Variants in GNG12 observed in about 807,000 individuals in gnomAD.
GNG12 encodes the protein G protein subunit gamma 12.
For synonymous variants in GNG12, 28 were observed against 29.7 expected (o/e 0.94, Z 0.19); for missense variants, 69 against 83.8 (o/e 0.82, Z 0.69).
At chr1:67,786,396 C>T (rs528363829) in intron 1 of GNG12, among the ~76,000 whole-genome samples, 1 of 152,072 alleles carries the variant, frequency 6.6e-6, no homozygotes, top group Admixed American at 6.6e-5. Context: ...ACGGTGGTCC[C>T]CAGATAGAGA....
chr1:67,762,192 G>A (rs1449188685), intron 2 of GNG12, among the ~76,000 whole-genome samples: 1 of 152,122 alleles, frequency 6.6e-6, no homozygotes. Context: ...CCAACCCAAG[G>A]CTGTCCACAG....
At chr1:67,767,203 C>T (rs995703812) in intron 2 of GNG12, among the ~76,000 whole-genome samples, 1 of 152,162 alleles carries the variant, frequency 6.6e-6, no homozygotes, top group African/African-American at 2.4e-5. Context: ...CAGCCTGCCA[C>T]CACTGGACTC....
intron 2 of GNG12, among the ~76,000 whole-genome samples, chr1:67,726,419 T>C (rs988553811): frequency 3.3e-5 from 5 of 152,202 alleles, no homozygotes; most frequent in African/African-American, 9.6e-5. Context: ...TTTTTCATAA[T>C]TCAGGAAACA....
intron 2 of GNG12, among the ~76,000 whole-genome samples, chr1:67,742,829 CAT>C (rs2100714930): frequency 6.6e-6 from 1 of 152,110 alleles, no homozygotes. Context: ...AGAAATAGCT[CAT>C]GTTTATTTGA....
chr1:67,808,439 C>A (rs1024728812), intron 1 of GNG12, among the ~76,000 whole-genome samples: 1 of 151,972 alleles, frequency 6.6e-6, no homozygotes, highest in Non-Finnish European at 1.5e-5. Flanking sequence ...CTTTTTGCTG[C>A]AATTCCCAGG....
intron 1 of GNG12, chr1:67,832,283 A>C (rs1273914050): frequency 2.0e-5 from 3 of 152,176 alleles, no homozygotes; most frequent in Non-Finnish European, 4.4e-5. Flanking sequence ...TCTGGTGTTC[A>C]GAGATTTCCT....
intron 2 of GNG12, among the ~76,000 whole-genome samples, chr1:67,768,128 C>G (rs1646652400): frequency 6.6e-6 from 1 of 152,178 alleles, no homozygotes; most frequent in South Asian, 2.1e-4. Context: ...ATAACAGCCA[C>G]CATTATTTGC....
intron 1 of GNG12, among the ~76,000 whole-genome samples, chr1:67,778,694 C>A (rs950182719): frequency 6.6e-6 from 1 of 152,172 alleles, no homozygotes; most frequent in African/African-American, 2.4e-5. Context: ...ATTATTTACA[C>A]AAGACTGTGA....
intron 1 of GNG12, among the ~76,000 whole-genome samples, chr1:67,822,481 G>A (rs528114453): frequency 3.0e-4 from 46 of 152,270 alleles, no homozygotes; most frequent in Admixed American, 2.2e-3. Flanking sequence ...AGCTGACACT[G>A]CAGTGAGGTA....
intron 2 of GNG12, among the ~76,000 whole-genome samples, chr1:67,751,086 C>G (rs1481200626): frequency 3.3e-5 from 5 of 152,024 alleles, no homozygotes; most frequent in African/African-American, 1.2e-4. Context: ...CCACTCCAGA[C>G]TTTCCCAACC....
intron 2 of GNG12, among the ~76,000 whole-genome samples, chr1:67,755,553 C>A (rs1646563185): frequency 6.6e-6 from 1 of 152,144 alleles, no homozygotes; most frequent in Non-Finnish European, 1.5e-5. Context: ...GGTCTCACAA[C>A]CTGTAGATGG....
chr1:67,803,706 A>G (rs1434760182), intron 1 of GNG12, among the ~76,000 whole-genome samples: 5 of 152,236 alleles, frequency 3.3e-5, no homozygotes, highest in Admixed American at 3.3e-4. Context: ...TGTAGATAGC[A>G]TATCCAATGT....
intron 2 of GNG12, among the ~76,000 whole-genome samples, chr1:67,761,068 G>C (rs1261475825): frequency 6.6e-6 from 1 of 152,162 alleles, no homozygotes; most frequent in African/African-American, 2.4e-5. Context: ...CTAGATACTG[G>C]AAGATTTCTA....
chr1:67,726,825 T>G (rs1646389107), intron 2 of GNG12, among the ~76,000 whole-genome samples: 1 of 152,240 alleles, frequency 6.6e-6, no homozygotes, highest in African/African-American at 2.4e-5. Flanking sequence ...TTCTCATCAT[T>G]CTTGTACTTG....
At chr1:67,795,939 A>T (rs1646828712) in intron 1 of GNG12, among the ~76,000 whole-genome samples, 1 of 152,234 alleles carries the variant, frequency 6.6e-6, no homozygotes, top group Non-Finnish European at 1.5e-5. Flanking sequence ...GTGAAGCTGA[A>T]CTCACAAGAA....
chr1:67,825,646 A>C (rs1472364997), intron 1 of GNG12, among the ~76,000 whole-genome samples: 1 of 152,196 alleles, frequency 6.6e-6, no homozygotes, highest in Non-Finnish European at 1.5e-5. Context: ...CTTTTTCCAG[A>C]AGCAGCAGCT....
intron 2 of GNG12, among the ~76,000 whole-genome samples, chr1:67,745,598 C>T (rs114201819): frequency 1.9e-4 from 29 of 152,246 alleles, no homozygotes; most frequent in African/African-American, 6.7e-4. Flanking sequence ...AAAATGGTGT[C>T]CGTCCCCTTA....
intron 1 of GNG12, among the ~76,000 whole-genome samples, chr1:67,826,173 T>A (rs550438456): frequency 1.3e-5 from 2 of 152,212 alleles, no homozygotes; most frequent in Non-Finnish European, 2.9e-5. Flanking sequence ...AGGACTACTG[T>A]GGCTACAGGG....
intron 2 of GNG12, among the ~76,000 whole-genome samples, chr1:67,721,334 T>G (rs899203999): frequency 6.6e-6 from 1 of 152,146 alleles, no homozygotes; most frequent in Non-Finnish European, 1.5e-5. Context: ...CAGCTATGGT[T>G]CTAAACGCGT....
Sources: gnomAD v4.1 joint callset for allele counts (sites outside exome capture counted in the v4.1 genomes callset) on GRCh38, gnomAD v4.1.1 for gene constraint, MANE v1.5 for transcripts, NCBI Gene and HGNC (gene_info 2026-07-23, HGNC 2026-07-21) for gene names.